MRE11: variants seen among roughly 807,000 people sequenced by gnomAD.
MRE11 encodes the protein double-strand break repair protein MRE11.
Under a neutral mutation model 91.7 loss-of-function variants are expected in MRE11, and 62 were observed. The ratio of observed to expected loss-of-function variants is 0.68; its 90% CI spans 0.55 to 0.84. The LOEUF is 0.84. Among genes scored for constraint, MRE11 ranks in the 40% least tolerant of loss-of-function variants. MRE11 has a pLI of 0.00. For missense variants in MRE11, 796 were observed against 852.9 expected, an observed-to-expected ratio of 0.93 and a Z score of 0.83; for synonymous variants, 273 against 271.4, an observed-to-expected ratio of 1.01 and a Z score of -0.06.
chr11:94,443,996 C>T (rs1428811941), intron 16 of MRE11, among the ~76,000 whole-genome samples: 2 of 150,424 alleles, frequency 1.3e-5, no homozygotes, highest in South Asian at 4.2e-4. Flanking sequence ...CAACCTCCAC[C>T]TTCTCGGTTC....
intron 19 of MRE11, among the ~76,000 whole-genome samples, chr11:94,425,951 C>T (rs1945303177): frequency 6.6e-6 from 1 of 152,142 alleles, no homozygotes; most frequent in African/African-American, 2.4e-5. Flanking sequence ...AAATTCAGGA[C>T]TTAAACTTGA....
chr11:94,492,165 T>C (rs984711234), intron 2 of MRE11, among the ~76,000 whole-genome samples: 4 of 152,078 alleles, frequency 2.6e-5, no homozygotes, highest in Admixed American at 6.5e-5. Flanking sequence ...CTCGGCTCAC[T>C]GCAACCTCCG....
intron 15 of MRE11, among the ~76,000 whole-genome samples, chr11:94,446,126 G>A (rs1026339462): frequency 6.6e-6 from 1 of 152,198 alleles, no homozygotes; most frequent in East Asian, 1.9e-4. Context: ...TAAGGAAATA[G>A]GCTGGACGTG....
the MRE11 span, chr11:94,499,147 C>T: frequency 2.6e-5 from 4 of 154,112 alleles, no homozygotes; most frequent in African/African-American, 9.6e-5. Flanking sequence ...ATATTGTATA[C>T]TGCATCCCCT....
intron 14 of MRE11, 35 bp from the exon 15 acceptor site, chr11:94,447,473 GA>G (rs764333066): frequency 2.5e-6 from 4 of 1,579,444 alleles, no homozygotes; most frequent in Middle Eastern, 3.4e-4. Flanking sequence ...TACACACAAT[GA>G]GATAACGTAC....
Position 94,429,993 on chromosome 11 carries a change from C to CAAAAA in MRE11, c.1995-8_1995-7insTTTTT, listed in dbSNP as rs1945421484. The CAAAAA allele has an allele frequency of 6.2e-7, 1 of 1,613,550 alleles. No individual in the cohort carries two copies. The highest frequency in any genetic ancestry group is 8.5e-7 in the Non-Finnish European group (1 of 1,179,696). On this transcript the variant is annotated splice_region_variant and splice_polypyrimidine_tract_variant and intron_variant, in intron 18 of 19. Transcript: ENST00000323929. Reference sequence around the variant, plus strand: ...GGATGATGTGCTGGACCACCTGAGGCAAAACAAAAACAAAAACAAACACAA... The same window carrying CAAAAA: ...GGATGATGTGCTGGACCACCTGAGGCAAAAAAAAACAAAAACAAAAACAAACACAA...
intron 11 of MRE11, among the ~76,000 whole-genome samples, chr11:94,461,394 T>G (rs1216755876): frequency 6.6e-6 from 1 of 152,186 alleles, no homozygotes; most frequent in East Asian, 1.9e-4. Context: ...ATTGCTACAC[T>G]GACGATGCAA....
intron 4 of MRE11, chr11:94,483,631 T>A (rs1947065767): frequency 6.6e-6 from 1 of 152,570 alleles, no homozygotes; most frequent in African/African-American, 2.4e-5. Context: ...GAAAGTCCAT[T>A]AAACCTCTTT....
chr11:94,496,548 AG>A (rs1423583670), upstream of MRE11: 2 of 713,718 alleles, frequency 2.8e-6, no homozygotes, highest in Non-Finnish European at 4.5e-6. Flanking sequence ...TTATCTATGC[AG>A]TTGATAAAGC....
At chr11:94,503,022 A>C in the MRE11 span, among the ~76,000 whole-genome samples, 1 of 152,146 alleles carries the variant, frequency 6.6e-6, no homozygotes, top group Non-Finnish European at 1.5e-5. Flanking sequence ...TTCCATACTT[A>C]TGTGCAAATT....
intron 9 of MRE11, among the ~76,000 whole-genome samples, chr11:94,469,800 T>C (rs765821683): frequency 6.6e-6 from 1 of 152,182 alleles, no homozygotes; most frequent in Non-Finnish European, 1.5e-5. Context: ...ATTGTTACTA[T>C]GTTACCTGAT....
At chr11:94,420,998 C>T (rs1378750599) in intron 19 of MRE11, among the ~76,000 whole-genome samples, 1 of 150,840 alleles carries the variant, frequency 6.6e-6, no homozygotes, top group Admixed American at 6.6e-5. Context: ...TGCCACTGCA[C>T]TCCAGCCTCG....
intron 17 of MRE11, 106 bp downstream of exon 17, chr11:94,437,071 T>C (rs1188083256): frequency 1.0e-6 from 1 of 987,746 alleles, no homozygotes; most frequent in Non-Finnish European, 1.5e-6. Flanking sequence ...GCTTTAATGT[T>C]CCATAATTTT....
Position 94,418,056 on chromosome 11 carries a change from T to C in MRE11, c.*2069A>G. On this transcript the variant is annotated 3_prime_UTR_variant, in exon 20 of 20. Transcript: ENST00000323929. ...AGCAAATGCAGCTGCTTTCAAATCA[T>C]CTGAAAGACTTCTACATTCCTATAC... 4.3e-6 allele frequency: 1 copy of C among 233,140 alleles called. No homozygotes were observed. The highest frequency in any genetic ancestry group is 8.5e-6 in the Non-Finnish European group (1 of 117,988). 14.4% of individuals were successfully genotyped at this position (233,140 alleles called of 1,614,324 possible).
chr11:94,440,257 A>C (rs929443026), intron 16 of MRE11, among the ~76,000 whole-genome samples: 1 of 152,212 alleles, frequency 6.6e-6, no homozygotes. Context: ...CCATTCTGTA[A>C]AACTTTTAAG....
chr11:94,479,686 G>A lies in MRE11; in HGVS notation c.390C>T (p.Asp130=), dbSNP rs770469403. 10 of 1,611,924 alleles carry A rather than the reference G, an allele frequency of 6.2e-6. No individual in the cohort carries two copies. Among genetic ancestry groups the A allele is most frequent in the Middle Eastern group, 1.7e-4 (1 of 6,046 alleles). Residue 130 remains aspartate (D), a synonymous_variant, in exon 5 of 20, where the codon GAC becomes GAT. Coordinates refer to ENST00000323929, the MANE Select transcript of MRE11 (RefSeq NM_005591.4). ...AAACAATAATTACCCCTGTGGGATC[G>A]TCATGATTGCCATGAATACTAAACA... ...IPVFSIHGNH[D]DPTGADALCA... is the part of the protein sequence containing the mutation.
At chr11:94,440,925 G>A (rs1007715804) in intron 16 of MRE11, among the ~76,000 whole-genome samples, 1 of 152,198 alleles carries the variant, frequency 6.6e-6, no homozygotes, top group African/African-American at 2.4e-5. Context: ...CCACCAGGGG[G>A]TTGCCTCTAG....
chr11:94,424,148 C>T (rs1471459196), intron 19 of MRE11, among the ~76,000 whole-genome samples: 1 of 152,188 alleles, frequency 6.6e-6, no homozygotes, highest in South Asian at 2.1e-4. Context: ...TGTGAACACA[C>T]AGAAATACAA....
chr11:94,426,481 T>TTTGTTAATTTAAATCAAA (rs1565200065), intron 19 of MRE11, among the ~76,000 whole-genome samples: 11 of 134,250 alleles, frequency 8.2e-5, no homozygotes, highest in African/African-American at 2.7e-4. Flanking sequence ...AAATTAACAA[T>TTTGTTAATTTAAATCAAA]TTAACATTGT....
Sources: gnomAD v4.1 joint callset for allele counts (sites outside exome capture counted in the v4.1 genomes callset) on GRCh38, gnomAD v4.1.1 for gene constraint, MANE v1.5 for transcripts, NCBI Gene and HGNC (gene_info 2026-07-23, HGNC 2026-07-21) for gene names.